Variants in SNTG1 observed in about 807,000 individuals in gnomAD.
The protein encoded by SNTG1 is syntrophin gamma 1.
In SNTG1, 39 loss-of-function variants were observed where a neutral mutation model predicts 74.7. That is an observed-to-expected ratio of 0.52 (90% CI 0.40 to 0.68). The LOEUF (loss-of-function observed/expected upper bound fraction) is 0.68. SNTG1 is among the 30% of genes least tolerant of loss of function. SNTG1 has a pLI of 0.00. For missense variants in SNTG1, 685 were observed against 609.5 expected (o/e 1.12, Z -1.30); for synonymous variants, 254 against 217.1 (o/e 1.17, Z -1.49).
intron 13 of SNTG1, among the ~76,000 whole-genome samples, chr8:50,654,525 C>A (rs2095168594): frequency 6.6e-6 from 1 of 152,062 alleles, no homozygotes; most frequent in African/African-American, 2.4e-5. Context: ...TTAGAAAATT[C>A]CAATATCTGA....
chr8:50,710,330 A>G (rs541744425), intron 17 of SNTG1, among the ~76,000 whole-genome samples: 1 of 152,054 alleles, frequency 6.6e-6, no homozygotes, highest in East Asian at 1.9e-4. Context: ...CCTATTACTA[A>G]AGTTTTTTTT....
intron 18 of SNTG1, among the ~76,000 whole-genome samples, chr8:50,774,713 T>C (rs1350765764): frequency 6.6e-6 from 1 of 151,748 alleles, no homozygotes. Flanking sequence ...TTACTTCTAA[T>C]TGATTTAAAA....
At chr8:50,783,133 C>T (rs773942993) in intron 18 of SNTG1, among the ~76,000 whole-genome samples, 6 of 152,280 alleles carry the variant, frequency 3.9e-5, no homozygotes, top group Non-Finnish European at 7.4e-5. Context: ...TTAGGCTGCT[C>T]GGGGGTCAGG....
At chr8:50,605,955 G>T (rs1246759185) in intron 13 of SNTG1, among the ~76,000 whole-genome samples, 1 of 152,132 alleles carries the variant, frequency 6.6e-6, no homozygotes, top group Non-Finnish European at 1.5e-5. Flanking sequence ...AACCATGTTT[G>T]CATCCCTTTG....
intron 2 of SNTG1, among the ~76,000 whole-genome samples, chr8:50,180,650 AT>A (rs1273484956): frequency 2.0e-5 from 3 of 148,758 alleles, no homozygotes; most frequent in South Asian, 2.1e-4. Flanking sequence ...CCTTCAACAC[AT>A]TTTTTTTAGG....
intron 17 of SNTG1, among the ~76,000 whole-genome samples, chr8:50,719,573 CA>C (rs371911329): frequency 3.4e-4 from 52 of 152,228 alleles, no homozygotes; most frequent in African/African-American, 1.2e-3. Flanking sequence ...TCTGTACCAA[CA>C]AAACAAAGTT....
chr8:50,672,237 C>A (rs867840993), intron 15 of SNTG1, among the ~76,000 whole-genome samples: 1 of 151,998 alleles, frequency 6.6e-6, no homozygotes, highest in African/African-American at 2.4e-5. Flanking sequence ...ATTTCTGATG[C>A]TAGATCCTTG....
At chr8:50,746,987 T>C (rs2095556573) in intron 17 of SNTG1, among the ~76,000 whole-genome samples, 1 of 151,406 alleles carries the variant, frequency 6.6e-6, no homozygotes, top group African/African-American at 2.4e-5. Context: ...TTACTTTTTT[T>C]TAGTGCTTTT....
chr8:50,628,488 T>C (rs1303064458), intron 13 of SNTG1, among the ~76,000 whole-genome samples: 1 of 152,190 alleles, frequency 6.6e-6, no homozygotes, highest in Non-Finnish European at 1.5e-5. Flanking sequence ...TTTGCTTCTC[T>C]TCCAGAACTG....
chr8:49,921,429 T>A (rs904121239), intron 1 of SNTG1, among the ~76,000 whole-genome samples: 2 of 152,026 alleles, frequency 1.3e-5, no homozygotes, highest in African/African-American at 2.4e-5. Context: ...ATTAACATAA[T>A]GTTTGGACTG....
At chr8:50,500,703 G>A (rs1053677600) in intron 8 of SNTG1, among the ~76,000 whole-genome samples, 2 of 152,100 alleles carry the variant, frequency 1.3e-5, no homozygotes, top group African/African-American at 4.8e-5. Flanking sequence ...TCACGGGTTT[G>A]TGGTCCATGG....
chr8:50,488,870 T>C (rs1164582168), intron 8 of SNTG1, among the ~76,000 whole-genome samples: 3 of 152,188 alleles, frequency 2.0e-5, no homozygotes, highest in African/African-American at 7.2e-5. Context: ...GGTGGTTTGC[T>C]GCACCCATCA....
chr8:50,557,546 G>A (rs746521857), intron 12 of SNTG1, among the ~76,000 whole-genome samples: 2 of 152,096 alleles, frequency 1.3e-5, no homozygotes, highest in Non-Finnish European at 2.9e-5. Context: ...TCCAGCCTCT[G>A]GTGGCTGCCA....
chr8:50,514,746 G>A (rs1014090294), intron 9 of SNTG1, among the ~76,000 whole-genome samples: 1 of 152,122 alleles, frequency 6.6e-6, no homozygotes, highest in African/African-American at 2.4e-5. Flanking sequence ...AGCCAAATTA[G>A]TGCTTAGTGT....
In SNTG1 at chr8:50,335,213, A is replaced by G. The variant is rs1256693253; in HGVS notation, c.-27-58999A>G. Among the ~76,000 whole-genome samples, 7 of 151,756 alleles carry G rather than the reference A, an allele frequency of 4.6e-5. No individual in the cohort carries two copies. In the East Asian group the frequency reaches 1.2e-3, roughly 25 times the overall value. The stretch of plus-strand genomic sequence containing the variant: ...CTGGTTTCATGTGCTTTCTCTTTTT[A>G]TTAGTTTCATATTGCAGTCATAACA... On this transcript the variant is annotated intron_variant, in intron 2 of 18. Transcript: ENST00000642720.
At chr8:49,929,968 A>G (rs1222350594) in intron 1 of SNTG1, among the ~76,000 whole-genome samples, 1 of 149,732 alleles carries the variant, frequency 6.7e-6, no homozygotes, top group East Asian at 2.0e-4. Context: ...TTTCCTCAAG[A>G]GGCAGAAAAC....
intron 9 of SNTG1, among the ~76,000 whole-genome samples, chr8:50,525,591 C>T (rs1482393472): frequency 6.6e-6 from 1 of 151,940 alleles, no homozygotes; most frequent in Admixed American, 6.6e-5. Context: ...CCTCAAATGT[C>T]ATGCCTTTGA....
intron 12 of SNTG1, among the ~76,000 whole-genome samples, chr8:50,578,816 A>C (rs1472835142): frequency 6.6e-6 from 1 of 152,164 alleles, no homozygotes; most frequent in African/African-American, 2.4e-5. Context: ...ACTGTGAGTC[A>C]ATTAAATCTG....
intron 11 of SNTG1, among the ~76,000 whole-genome samples, chr8:50,549,368 T>A (rs1166354484): frequency 2.6e-5 from 4 of 152,092 alleles, no homozygotes; most frequent in Non-Finnish European, 4.4e-5. Context: ...TTTCCTTCAA[T>A]AACATCCCCC....
Sources: gnomAD v4.1 joint callset for allele counts (sites outside exome capture counted in the v4.1 genomes callset) on GRCh38, gnomAD v4.1.1 for gene constraint, MANE v1.5 for transcripts, NCBI Gene and HGNC (gene_info 2026-07-23, HGNC 2026-07-21) for gene names.